UPP2: variants seen among roughly 807,000 people sequenced by gnomAD.
The protein encoded by UPP2 is uridine phosphorylase 2.
Under a neutral mutation model 26.7 loss-of-function variants are expected in UPP2, and 23 were observed. The ratio of observed to expected loss-of-function variants is 0.86; its 90% CI spans 0.62 to 1.22. The LOEUF is 1.22. Among genes scored for constraint, UPP2 ranks in the 50% most tolerant of loss-of-function variants. The pLI is 0.00. For synonymous variants in UPP2, 127 were observed against 141.3 expected (o/e 0.90, Z 0.72); for missense variants, 387 against 396.7 (o/e 0.98, Z 0.21).
chr2:158,117,788 G>A (rs1683472316), intron 3 of UPP2, 36 bp from the exon 4 acceptor site: 1 of 1,487,748 alleles, frequency 6.7e-7, no homozygotes, highest in Non-Finnish European at 9.4e-7. Flanking sequence ...GTATCACTTT[G>A]CAAGATGTAT....
rs1432864936 is a variant in UPP2 at position 158,102,085 on chromosome 2, T to A, written c.22T>A (p.Ser8Thr). Reference protein sequence around the residue: MASVIPASNRSMRSDRNT... With the variant: MASVIPATNRSMRSDRNT... ...GAGAATGGCTTCAGTTATACCTGCC[T>A]CCAATAGGTCCATGAGATCTGACAG... The change falls in exon 1 of 7, where the codon TCC becomes ACC. Residue 8 changes from serine to threonine, a missense_variant. Transcript: ENST00000005756. 6 of 1,613,506 alleles carry A rather than the reference T, an allele frequency of 3.7e-6. No individual in the cohort carries two copies. Among genetic ancestry groups the A allele is most frequent in the Non-Finnish European group, 5.1e-6 (6 of 1,179,774 alleles).
chr2:158,029,892 C>CA (rs1299973932), intron 3 of UPP2, among the ~76,000 whole-genome samples: 2 of 150,472 alleles, frequency 1.3e-5, no homozygotes, highest in African/African-American at 4.9e-5. Flanking sequence ...GAACATCTTA[C>CA]AAAAATGCGT....
chr2:158,046,348 T>C (rs748524362), intron 3 of UPP2, among the ~76,000 whole-genome samples: 1 of 152,244 alleles, frequency 6.6e-6, no homozygotes, highest in East Asian at 1.9e-4. Flanking sequence ...AACTTCTCAA[T>C]TGCTCTTTAA....
At chr2:158,011,106 G>A (rs1683569520) in intron 2 of UPP2, among the ~76,000 whole-genome samples, 1 of 152,100 alleles carries the variant, frequency 6.6e-6, no homozygotes, top group Non-Finnish European at 1.5e-5. Context: ...TCTGGCACCT[G>A]TCTGCTTCAC....
At chr2:158,115,282 C>T in intron 3 of UPP2, 23 bp downstream of exon 3, 1 of 1,578,666 alleles carries the variant, frequency 6.3e-7, no homozygotes, top group Non-Finnish European at 8.6e-7. Context: ...GGTTGCATTT[C>T]AGCTAGTCAT....
chr2:158,055,056 T>C (rs2105174243), intron 3 of UPP2, among the ~76,000 whole-genome samples: 1 of 152,344 alleles, frequency 6.6e-6, no homozygotes, highest in South Asian at 2.1e-4. Flanking sequence ...TTCTGTTGCT[T>C]ATAACAGAAT....
intron 3 of UPP2, among the ~76,000 whole-genome samples, chr2:158,019,288 G>C (rs2105146939): frequency 6.6e-6 from 1 of 152,246 alleles, no homozygotes; most frequent in East Asian, 1.9e-4. Flanking sequence ...AGGTAAAAAA[G>C]AGGCAAGTTG....
intron 6 of UPP2, among the ~76,000 whole-genome samples, chr2:158,130,834 C>T (rs1447386142): frequency 6.6e-6 from 1 of 152,174 alleles, no homozygotes; most frequent in East Asian, 1.9e-4. Context: ...ACACCCATCC[C>T]CAATTGTGAT....
intron 4 of UPP2, among the ~76,000 whole-genome samples, chr2:158,120,010 C>CAA (rs377179788): frequency 5.0e-5 from 7 of 139,378 alleles, no homozygotes; most frequent in Non-Finnish European, 1.1e-4. Context: ...GACCTCATCT[C>CAA]AAAAAAAAAA....
chr2:158,096,315 T>C (rs1023622469), intron 3 of UPP2, among the ~76,000 whole-genome samples: 8 of 152,120 alleles, frequency 5.3e-5, no homozygotes, highest in African/African-American at 1.9e-4. Context: ...AATAAAATAG[T>C]GGGCCAGGTG....
intron 3 of UPP2, among the ~76,000 whole-genome samples, chr2:158,044,166 T>A (rs1185275259): frequency 6.6e-6 from 1 of 152,064 alleles, no homozygotes; most frequent in Non-Finnish European, 1.5e-5. Context: ...ATGGGTTAGA[T>A]TTAGACTAGC....
intron 3 of UPP2, among the ~76,000 whole-genome samples, chr2:158,052,162 A>G (rs1420031032): frequency 2.0e-5 from 3 of 152,214 alleles, no homozygotes; most frequent in Non-Finnish European, 4.4e-5. Context: ...GTCAAATTCA[A>G]CTGGTGTCCT....
At chr2:158,055,687 G>T (rs1260091850) in intron 3 of UPP2, among the ~76,000 whole-genome samples, 1 of 152,156 alleles carries the variant, frequency 6.6e-6, no homozygotes, top group East Asian at 1.9e-4. Flanking sequence ...GTCAAGGAAG[G>T]GTAGGGAATT....
At chr2:158,131,363 G>C (rs997491356) in intron 6 of UPP2, among the ~76,000 whole-genome samples, 5 of 152,158 alleles carry the variant, frequency 3.3e-5, no homozygotes, top group Non-Finnish European at 5.9e-5. Flanking sequence ...CTGAATCAGA[G>C]AGGTGGGGTT....
At chr2:158,132,314 C>T in intron 6 of UPP2, among the ~76,000 whole-genome samples, 1 of 152,160 alleles carries the variant, frequency 6.6e-6, no homozygotes, top group East Asian at 1.9e-4. Flanking sequence ...GCAGGATTGC[C>T]TAATGGTTCA....
chr2:158,130,199 T>G (rs182181106), intron 6 of UPP2, among the ~76,000 whole-genome samples: 37 of 152,100 alleles, frequency 2.4e-4, no homozygotes, highest in Admixed American at 2.0e-3. Context: ...AACACTGCAT[T>G]TGGGAGGCCG....
chr2:158,071,470 G>C (rs182135912), intron 3 of UPP2, among the ~76,000 whole-genome samples: 1 of 144,194 alleles, frequency 6.9e-6, no homozygotes, highest in African/African-American at 2.6e-5. Flanking sequence ...AGAATTGCTT[G>C]AACCCGGGAG....
chr2:158,106,088 T>A lies in UPP2; in HGVS notation c.63-11T>A. 6.4e-7 allele frequency: 1 copy of A among 1,560,400 alleles called. No homozygotes were observed. The highest frequency in any genetic ancestry group is 8.7e-7 in the Non-Finnish European group (1 of 1,154,544). On this transcript the variant is annotated splice_polypyrimidine_tract_variant and intron_variant, in intron 1 of 6. Transcript: ENST00000005756. Reference sequence around the variant, plus strand: ...TCTTTTATATCTTCTTTGTATAATTTTTTTTTCCAGAAAAAGGTTTGTTCA... The same window carrying A: ...TCTTTTATATCTTCTTTGTATAATTATTTTTTCCAGAAAAAGGTTTGTTCA...
intron 3 of UPP2, among the ~76,000 whole-genome samples, chr2:158,033,016 C>T (rs975646926): frequency 6.6e-6 from 1 of 152,070 alleles, no homozygotes; most frequent in Non-Finnish European, 1.5e-5. Flanking sequence ...GCCTACCCAT[C>T]CTTAAACCCT....
Sources: allele counts gnomAD v4.1 joint callset (sites outside exome capture counted in the v4.1 genomes callset), GRCh38; gene constraint gnomAD v4.1.1; transcripts MANE v1.5; gene names NCBI Gene and HGNC (gene_info 2026-07-23, HGNC 2026-07-21).